TENM2: variants seen among roughly 807,000 people sequenced by gnomAD.
The protein encoded by TENM2 is teneurin-2.
In TENM2, 52 loss-of-function variants were observed where a neutral mutation model predicts 245.2. The ratio of observed to expected loss-of-function variants is 0.21; its 90% CI spans 0.17 to 0.27. The LOEUF is 0.27. Ranked by LOEUF, TENM2 falls within the 10% of genes least tolerant of loss-of-function variation. The probability of loss-of-function intolerance (pLI) is 1.00; values close to 1 mark genes in which losing one functional copy is unlikely to be tolerated. For synonymous variants in TENM2, 1,363 were observed against 1,438.9 expected (o/e 0.95, Z 1.19); for missense variants, 3,046 against 3,666.8 (o/e 0.83, Z 4.37).
the TENM2 span, among the ~76,000 whole-genome samples, chr5:167,136,637 T>C: frequency 6.6e-6 from 1 of 152,186 alleles, no homozygotes; most frequent in Non-Finnish European, 1.5e-5. Flanking sequence ...CACTGTAATG[T>C]CACTCAAATG....
At chr5:167,161,301 G>C in the TENM2 span, among the ~76,000 whole-genome samples, 15 of 152,228 alleles carry the variant, frequency 9.9e-5, no homozygotes, top group East Asian at 3.9e-4. Flanking sequence ...GGAATCACTC[G>C]ACTATACCCT....
chr5:168,141,467 C>T (rs552384593), intron 12 of TENM2, among the ~76,000 whole-genome samples: 4 of 152,324 alleles, frequency 2.6e-5, no homozygotes, highest in Admixed American at 2.6e-4. Flanking sequence ...TATCTACCAG[C>T]TTCCCATCTG....
At chr5:167,278,345 G>C in the TENM2 span, among the ~76,000 whole-genome samples, 39 of 152,232 alleles carry the variant, frequency 2.6e-4, no homozygotes, top group African/African-American at 8.4e-4. Flanking sequence ...TGACACCATA[G>C]AGATGGGTCA....
chr5:168,172,193 A>G (rs1758900558), intron 13 of TENM2, among the ~76,000 whole-genome samples: 1 of 152,218 alleles, frequency 6.6e-6, no homozygotes, highest in Non-Finnish European at 1.5e-5. Flanking sequence ...GGAAAGCCCC[A>G]AATCAAAGAA....
intron 2 of TENM2, among the ~76,000 whole-genome samples, chr5:167,378,410 A>G (rs1254898012): frequency 6.9e-6 from 1 of 145,506 alleles, no homozygotes; most frequent in Non-Finnish European, 1.5e-5. Flanking sequence ...TGTAGACACC[A>G]TAGTGCTTCA....
intron 1 of TENM2, among the ~76,000 whole-genome samples, chr5:167,361,418 A>G (rs1379567416): frequency 6.6e-6 from 1 of 152,192 alleles, no homozygotes; most frequent in Non-Finnish European, 1.5e-5. Flanking sequence ...GTATGTGTCT[A>G]TAAACAACAT....
chr5:167,880,342 TA>T (rs1371073833), intron 3 of TENM2, among the ~76,000 whole-genome samples: 5 of 152,180 alleles, frequency 3.3e-5, no homozygotes, highest in Admixed American at 6.5e-5. Context: ...CAACAGTTGT[TA>T]AAAAAAATTT....
intron 2 of TENM2, among the ~76,000 whole-genome samples, chr5:167,789,269 T>C (rs1219978870): frequency 6.6e-6 from 1 of 152,172 alleles, no homozygotes; most frequent in Non-Finnish European, 1.5e-5. Flanking sequence ...AAAAGTAGGG[T>C]AATGTAACCC....
At chr5:168,047,502 G>A (rs552572263) in exon 6 of TENM2, 29 of 1,551,754 alleles carry the variant, frequency 1.9e-5, no homozygotes, top group Admixed American at 1.4e-4. Context: ...ATAAGGACCG[G>A]CTTACCAGGA....
the TENM2 span, among the ~76,000 whole-genome samples, chr5:167,102,282 A>C: frequency 6.6e-6 from 1 of 152,126 alleles, no homozygotes. Context: ...ACAGCTAATG[A>C]TAGCATATTG....
At chr5:167,344,366 T>G (rs904137979) in intron 1 of TENM2, among the ~76,000 whole-genome samples, 81 of 149,250 alleles carry the variant, frequency 5.4e-4, no homozygotes, top group African/African-American at 2.0e-3. Context: ...ACTCCATAAA[T>G]CATTTTGGTG....
intron 2 of TENM2, among the ~76,000 whole-genome samples, chr5:167,561,777 C>A (rs1198463288): frequency 1.3e-5 from 2 of 152,134 alleles, no homozygotes; most frequent in East Asian, 3.9e-4. Flanking sequence ...ACATTTACAT[C>A]TTTTGTAATT....
chr5:167,969,436 G>A (rs897597346), intron 4 of TENM2, among the ~76,000 whole-genome samples: 1 of 152,132 alleles, frequency 6.6e-6, no homozygotes, highest in Non-Finnish European at 1.5e-5. Flanking sequence ...ATGTGGAACT[G>A]TAAGTCCATT....
At chr5:167,993,180 T>C (rs899957069) in exon 5 of TENM2, 7 of 1,613,588 alleles carry the variant, frequency 4.3e-6, no homozygotes, top group Non-Finnish European at 5.9e-6. Flanking sequence ...GCGTATTTCA[T>C]AGGTAAGTCA....
intron 2 of TENM2, among the ~76,000 whole-genome samples, chr5:167,742,889 G>A (rs1157634018): frequency 2.0e-5 from 3 of 151,942 alleles, no homozygotes; most frequent in Non-Finnish European, 1.5e-5. Context: ...CACAACTTGA[G>A]CCCAGGGGTT....
At chr5:167,968,080 C>T (rs1781510272) in intron 4 of TENM2, among the ~76,000 whole-genome samples, 1 of 152,178 alleles carries the variant, frequency 6.6e-6, no homozygotes, top group African/African-American at 2.4e-5. Context: ...GAGTTGGAAT[C>T]TTATGTCCCC....
chr5:167,939,195 G>A (rs1464103264), intron 3 of TENM2, among the ~76,000 whole-genome samples: 2 of 152,102 alleles, frequency 1.3e-5, no homozygotes, highest in African/African-American at 2.4e-5. Context: ...AATTTTCTAC[G>A]GAAGAGGGGG....
chr5:167,211,811 A>G, the TENM2 span, among the ~76,000 whole-genome samples: 2 of 152,080 alleles, frequency 1.3e-5, no homozygotes, highest in African/African-American at 2.4e-5. Flanking sequence ...ATTATATACT[A>G]TTATATTATA....
chr5:167,554,404 G>A (rs1213668067), intron 2 of TENM2, among the ~76,000 whole-genome samples: 1 of 152,178 alleles, frequency 6.6e-6, no homozygotes, highest in Non-Finnish European at 1.5e-5. Context: ...CTGATCAGAT[G>A]CTTAGATTCT....
Sources: gnomAD v4.1 joint callset for allele counts (sites outside exome capture counted in the v4.1 genomes callset) on GRCh38, gnomAD v4.1.1 for gene constraint, MANE v1.5 for transcripts, NCBI Gene and HGNC (gene_info 2026-07-23, HGNC 2026-07-21) for gene names.